Variants in PDCL3 observed in about 807,000 individuals in gnomAD.
The protein encoded by PDCL3 is phosducin-like protein 3.
PDCL3 carries 22 observed loss-of-function variants against 26.5 expected under a neutral mutation model. The observed-to-expected ratio is 0.83, with a 90% CI of 0.59 to 1.19. The LOEUF (loss-of-function observed/expected upper bound fraction) is 1.19. Ranked by LOEUF, PDCL3 falls within the 50% of genes most tolerant of loss-of-function variation. PDCL3 has a pLI of 0.00. For synonymous variants in PDCL3, 81 were observed against 104.9 expected, an observed-to-expected ratio of 0.77 and a Z score of 1.39; for missense variants, 246 against 294.1, an observed-to-expected ratio of 0.84 and a Z score of 1.20.
At position 100,570,474 on chromosome 2, in the gene PDCL3, C is replaced by CTTTTT. The variant is rs762190373; in HGVS notation, c.368+767_368+771dup. Among the ~76,000 whole-genome samples the CTTTTT allele has an allele frequency of 4.6e-4, 58 of 125,282 alleles. 1 individual carries two copies. The highest frequency in any genetic ancestry group is 9.5e-4 in the East Asian group (4 of 4,190). The allele number at this position is 125,282 out of a possible 152,430, so 82.2% of individuals were successfully genotyped here. ...GAGTCCAGTGCTTATTTAGGAATTTCTTTTTTTTTTTTTTTTTTGTTTGAG... is the reference window on the plus strand; with the variant it reads ...GAGTCCAGTGCTTATTTAGGAATTTCTTTTTTTTTTTTTTTTTTTTTTTGTTTGAG... On this transcript the variant is annotated intron_variant, in intron 4 of 5. Transcript: ENST00000264254.
chr2:100,569,050 T>G, intron 3 of PDCL3, 29 bp downstream of exon 3: 1 of 1,577,858 alleles, frequency 6.3e-7, no homozygotes, highest in Non-Finnish European at 8.6e-7. Context: ...GGCTGTTTGT[T>G]TTTTTGTTGT....
At chr2:100,567,915 C>G (rs1324643184) in intron 2 of PDCL3, among the ~76,000 whole-genome samples, 2 of 152,078 alleles carry the variant, frequency 1.3e-5, no homozygotes, top group African/African-American at 2.4e-5. Context: ...CTCCGCCTCC[C>G]AGGTTCAAGC....
At position 100,571,721 on chromosome 2, in the gene PDCL3, T is replaced by C. The variant is rs778239867; in HGVS notation, c.500T>C (p.Phe167Ser). 3 of 1,614,000 alleles carry C rather than the reference T, an allele frequency of 1.9e-6. No individual in the cohort carries two copies. Among genetic ancestry groups the C allele is most frequent in the Admixed American group, 1.7e-5 (1 of 60,006 alleles). ...CCTGATAGGAATCTGCCCACGATAT[T>C]TGTTTACCTGGAAGGAGATATCAAG... is the stretch of plus-strand genomic sequence containing the variant. ...NYPDRNLPTI[F>S]VYLEGDIKAQ... Residue 167 changes from phenylalanine to serine, a missense_variant, in exon 5 of 6, where the codon TTT becomes TCT. Phe to Ser is a radical substitution (Grantham distance 155). Coordinates refer to ENST00000264254, the MANE Select transcript of PDCL3 (RefSeq NM_024065.5).
At chr2:100,571,982 C>T in intron 5 of PDCL3, 184 bp downstream of exon 5, 1 of 613,988 alleles carries the variant, frequency 1.6e-6, no homozygotes, top group Non-Finnish European at 2.9e-6. Context: ...TACAACTGGG[C>T]TCTACTGATT....
intron 2 of PDCL3, 70 bp downstream of exon 2, chr2:100,566,699 G>T: frequency 6.3e-7 from 1 of 1,586,102 alleles, no homozygotes; most frequent in Non-Finnish European, 8.6e-7. Flanking sequence ...TGACTGCCCT[G>T]CCAGGAGACA....
chr2:100,566,125 T>G (rs1172583958), intron 1 of PDCL3, among the ~76,000 whole-genome samples: 4 of 151,818 alleles, frequency 2.6e-5, no homozygotes, highest in East Asian at 1.9e-4. Flanking sequence ...GGATGGTCTC[T>G]ATCTCCTGAC....
chr2:100,563,404 T>C (rs946617674), intron 1 of PDCL3: 4 of 292,806 alleles, frequency 1.4e-5, no homozygotes, highest in African/African-American at 8.9e-5. Context: ...TGAACTCCCC[T>C]AAGGCACACC....
intron 5 of PDCL3, 182 bp downstream of exon 5, chr2:100,571,980 G>T (rs979674257): frequency 3.2e-6 from 2 of 615,760 alleles, no homozygotes; most frequent in Non-Finnish European, 5.8e-6. Context: ...GTTACAACTG[G>T]GCTCTACTGA....
At chr2:100,571,906 T>C in intron 5 of PDCL3, 108 bp downstream of exon 5, 10 of 716,506 alleles carry the variant, frequency 1.4e-5, no homozygotes, top group Non-Finnish European at 2.1e-5. Flanking sequence ...TCAAGTTCAC[T>C]TCTGCCTGTG....
chr2:100,563,291 C>A, intron 1 of PDCL3: 2 of 510,726 alleles, frequency 3.9e-6, no homozygotes, highest in South Asian at 3.5e-5. Context: ...GTGCCGGGTC[C>A]CCCAAACCTC....
intron 5 of PDCL3, among the ~76,000 whole-genome samples, chr2:100,572,401 G>A (rs529110837): frequency 9.9e-5 from 15 of 151,938 alleles, no homozygotes; most frequent in South Asian, 6.2e-4. Context: ...TAGTGGAGAC[G>A]GGGTTTCACC....
At chr2:100,573,284 G>A (rs1384848278) in intron 5 of PDCL3, among the ~76,000 whole-genome samples, 1 of 152,214 alleles carries the variant, frequency 6.6e-6, no homozygotes, top group Non-Finnish European at 1.5e-5. Flanking sequence ...TTCTTGCCAA[G>A]TGAAACTCTT....
At chr2:100,569,051 T>G (rs1199471269) in intron 3 of PDCL3, 30 bp downstream of exon 3, 1 of 1,577,906 alleles carries the variant, frequency 6.3e-7, no homozygotes, top group East Asian at 2.2e-5. Context: ...GCTGTTTGTT[T>G]TTTTGTTGTT....
Position 100,571,693 on chromosome 2 carries a change from T to A in PDCL3, c.472T>A (p.Tyr158Asn). 6.2e-7 allele frequency: 1 copy of A among 1,613,782 alleles called. No homozygotes were observed. Among genetic ancestry groups the A allele is most frequent in the Non-Finnish European group, 8.5e-7 (1 of 1,179,936 alleles). Reference sequence around the variant, plus strand: ...CATTTCAACAACCTGCATACCCAATTATCCTGATAGGAATCTGCCCACGAT... The same window carrying A: ...CATTTCAACAACCTGCATACCCAATAATCCTGATAGGAATCTGCCCACGAT... ...KAISTTCIPN[Y>N]PDRNLPTIFV... is the part of the protein sequence containing the mutation. The change falls in exon 5 of 6, where the codon TAT becomes AAT. Residue 158 changes from tyrosine to asparagine, a missense_variant. By Grantham distance (143) the Tyr-to-Asn change is moderately radical (BLOSUM62 -2). Coordinates refer to ENST00000264254, the MANE Select transcript of PDCL3 (RefSeq NM_024065.5).
At chr2:100,571,871 C>T in intron 5 of PDCL3, 73 bp downstream of exon 5, 1 of 1,446,684 alleles carries the variant, frequency 6.9e-7, no homozygotes, top group Non-Finnish European at 9.7e-7. Flanking sequence ...GTGTCTATTT[C>T]CTGGACTCCT....
At chr2:100,565,595 C>T (rs944910296) in intron 1 of PDCL3, among the ~76,000 whole-genome samples, 1 of 151,886 alleles carries the variant, frequency 6.6e-6, no homozygotes, top group Admixed American at 6.6e-5. Context: ...TTGTAAGCCC[C>T]CAGACTCCTA....
At chr2:100,563,726 A>G (rs1573276337) in intron 1 of PDCL3, among the ~76,000 whole-genome samples, 1 of 151,832 alleles carries the variant, frequency 6.6e-6, no homozygotes, top group Admixed American at 6.6e-5. Context: ...TGAAAACACC[A>G]TGGAAATGGG....
chr2:100,570,152 C>G (rs1675139343), intron 4 of PDCL3, among the ~76,000 whole-genome samples: 1 of 152,026 alleles, frequency 6.6e-6, no homozygotes, highest in African/African-American at 2.4e-5. Flanking sequence ...GTTTTTTTTG[C>G]TGGTTTGCCC....
intron 2 of PDCL3, among the ~76,000 whole-genome samples, chr2:100,567,658 A>G (rs1675083059): frequency 6.6e-6 from 1 of 152,104 alleles, no homozygotes; most frequent in Non-Finnish European, 1.5e-5. Flanking sequence ...AGCGAGTGAA[A>G]TATGGGCCCT....
Sources: gnomAD v4.1 joint callset for allele counts (sites outside exome capture counted in the v4.1 genomes callset) on GRCh38, gnomAD v4.1.1 for gene constraint, MANE v1.5 for transcripts, NCBI Gene and HGNC (gene_info 2026-07-23, HGNC 2026-07-21) for gene names.